SLC9A9: variants seen among roughly 807,000 people sequenced by gnomAD.
SLC9A9 encodes the protein solute carrier family 9 member A9.
Under a neutral mutation model 77.8 loss-of-function variants are expected in SLC9A9, and 62 were observed. That is an observed-to-expected ratio of 0.80 (90% CI 0.65 to 0.98). The LOEUF (loss-of-function observed/expected upper bound fraction) is 0.98, where lower values mean the gene tolerates loss of function less well. SLC9A9 is among the 50% of genes least tolerant of loss of function. The pLI is 0.00. For missense variants in SLC9A9, 775 were observed against 774.9 expected (o/e 1.00, Z 0.00); for synonymous variants, 320 against 283.5 (o/e 1.13, Z -1.29).
At chr3:143,316,664 T>C (rs576284218) in intron 14 of SLC9A9, among the ~76,000 whole-genome samples, 1 of 152,226 alleles carries the variant, frequency 6.6e-6, no homozygotes, top group African/African-American at 2.4e-5. Flanking sequence ...ACCCTGGGCA[T>C]TGGATAAACT....
intron 1 of SLC9A9, among the ~76,000 whole-genome samples, chr3:143,839,613 A>G (rs182459333): frequency 3.9e-5 from 6 of 152,288 alleles, no homozygotes; most frequent in Admixed American, 2.6e-4. Context: ...GCAAGCACAT[A>G]CAAACACAAC....
At chr3:143,753,562 G>A (rs1316783479) in intron 4 of SLC9A9, among the ~76,000 whole-genome samples, 1 of 152,152 alleles carries the variant, frequency 6.6e-6, no homozygotes, top group African/African-American at 2.4e-5. Flanking sequence ...GGACACTCTG[G>A]CTACAGTAAT....
At chr3:143,573,140 C>A (rs1052528695) in intron 8 of SLC9A9, among the ~76,000 whole-genome samples, 4 of 152,184 alleles carry the variant, frequency 2.6e-5, no homozygotes, top group African/African-American at 9.6e-5. Flanking sequence ...TGGCCAGCAT[C>A]TGGCTCATGG....
chr3:143,635,420 G>A (rs2038502578), intron 6 of SLC9A9, among the ~76,000 whole-genome samples: 1 of 152,218 alleles, frequency 6.6e-6, no homozygotes, highest in Non-Finnish European at 1.5e-5. Context: ...TGGGGGCTAT[G>A]TTTTAAAACT....
chr3:143,494,310 A>T (rs187055821), intron 10 of SLC9A9, among the ~76,000 whole-genome samples: 7 of 152,326 alleles, frequency 4.6e-5, no homozygotes, highest in Non-Finnish European at 8.8e-5. Flanking sequence ...CCTAAAATAA[A>T]AGTTTATAAG....
intron 6 of SLC9A9, among the ~76,000 whole-genome samples, chr3:143,596,713 A>T (rs541131079): frequency 7.2e-4 from 109 of 152,136 alleles, no homozygotes; most frequent in African/African-American, 2.6e-3. Context: ...CCCAAGCTGG[A>T]GTACAGTGGC....
chr3:143,550,061 T>C (rs1343141052), intron 9 of SLC9A9, among the ~76,000 whole-genome samples: 1 of 152,072 alleles, frequency 6.6e-6, no homozygotes, highest in African/African-American at 2.4e-5. Flanking sequence ...GCATTTGCAG[T>C]GATAGGCAGA....
chr3:143,531,045 G>C (rs925364172), intron 9 of SLC9A9, among the ~76,000 whole-genome samples: 2 of 152,152 alleles, frequency 1.3e-5, no homozygotes, highest in Non-Finnish European at 2.9e-5. Flanking sequence ...TGCTCATTAT[G>C]AGCCACAAAC....
At chr3:143,472,110 A>G (rs1430733496) in intron 11 of SLC9A9, among the ~76,000 whole-genome samples, 2 of 152,222 alleles carry the variant, frequency 1.3e-5, no homozygotes, top group African/African-American at 2.4e-5. Context: ...TAAGGTGCAA[A>G]GCAATAAACT....
At chr3:143,400,720 CA>C (rs36147058) in intron 12 of SLC9A9, among the ~76,000 whole-genome samples, 1,478 of 137,442 alleles carry the variant, frequency 0.011, 10 homozygotes, top group Non-Finnish European at 0.014. Context: ...TGAATTTATG[CA>C]AAAAAAAAAA....
chr3:143,309,033 A>G (rs532559843), intron 14 of SLC9A9, among the ~76,000 whole-genome samples: 31 of 152,208 alleles, frequency 2.0e-4, no homozygotes, highest in Non-Finnish European at 2.8e-4. Context: ...ATTTATACAC[A>G]TGAGCAAGGT....
intron 14 of SLC9A9, among the ~76,000 whole-genome samples, chr3:143,285,450 C>G (rs1938356355): frequency 1.3e-5 from 2 of 152,156 alleles, no homozygotes; most frequent in South Asian, 4.1e-4. Context: ...GCAAAGGAGC[C>G]AGCCATGGCT....
intron 6 of SLC9A9, among the ~76,000 whole-genome samples, chr3:143,603,624 A>G (rs568801387): frequency 3.3e-5 from 5 of 152,352 alleles, no homozygotes; most frequent in African/African-American, 1.2e-4. Context: ...TTCAGAGGCT[A>G]TAATCCTGGC....
At chr3:143,717,883 C>A (rs192383098) in intron 4 of SLC9A9, among the ~76,000 whole-genome samples, 130 of 152,074 alleles carry the variant, frequency 8.5e-4, no homozygotes, top group African/African-American at 3.0e-3. Flanking sequence ...TTGCAAATGG[C>A]CTTGTCCATT....
chr3:143,448,186 G>T lies in SLC9A9; in HGVS notation c.1469+18851C>A, dbSNP rs948734503. Among the ~76,000 whole-genome samples, 27 of 152,110 alleles carry T rather than the reference G, an allele frequency of 1.8e-4. 1 individual carries two copies. Among genetic ancestry groups the T allele is most frequent in the Admixed American group, 9.8e-4 (15 of 15,262 alleles). On this transcript the variant is annotated intron_variant, in intron 12 of 15. Transcript: ENST00000316549. Reference sequence around the variant, plus strand: ...GAAAATTCTGTGCAAATAGGGCATAGCTCGAAAGATGAATGTTTGCTAGAT... The same window carrying T: ...GAAAATTCTGTGCAAATAGGGCATATCTCGAAAGATGAATGTTTGCTAGAT...
At chr3:143,604,816 T>C (rs543407503) in intron 6 of SLC9A9, among the ~76,000 whole-genome samples, 28 of 152,266 alleles carry the variant, frequency 1.8e-4, no homozygotes, top group South Asian at 1.0e-3. Flanking sequence ...CACTCAGCTG[T>C]GATATTGTTG....
At chr3:143,291,983 G>A (rs907535604) in intron 14 of SLC9A9, among the ~76,000 whole-genome samples, 3 of 152,196 alleles carry the variant, frequency 2.0e-5, no homozygotes, top group South Asian at 2.1e-4. Flanking sequence ...GGATGGGCCC[G>A]AGAGGAATCC....
intron 6 of SLC9A9, among the ~76,000 whole-genome samples, chr3:143,619,314 T>C (rs1458817925): frequency 6.6e-6 from 1 of 152,224 alleles, no homozygotes; most frequent in African/African-American, 2.4e-5. Flanking sequence ...AGTAATTTTG[T>C]TTGTGTAAGG....
chr3:143,304,935 A>G lies in SLC9A9; in HGVS notation c.1605-35955T>C, dbSNP rs374721655. ...AGCCTAGCTCCTCCTGCTGGTGTTT[A>G]TAACTCAGGGTCAACAATTAATTTG... is the stretch of plus-strand genomic sequence containing the variant. On this transcript the variant is annotated intron_variant, in intron 14 of 15. Coordinates refer to ENST00000316549, the MANE Select transcript of SLC9A9 (RefSeq NM_173653.4). Among the ~76,000 whole-genome samples, 19 of 152,286 alleles carry G rather than the reference A, an allele frequency of 1.2e-4. 1 individual carries two copies. The highest frequency in any genetic ancestry group is 4.6e-4 in the African/African-American group (19 of 41,564).
Sources: allele counts gnomAD v4.1 joint callset (sites outside exome capture counted in the v4.1 genomes callset), GRCh38; gene constraint gnomAD v4.1.1; transcripts MANE v1.5; gene names NCBI Gene and HGNC (gene_info 2026-07-23, HGNC 2026-07-21).